ABCG5: variants seen among roughly 807,000 people sequenced by gnomAD.
ABCG5 encodes ATP binding cassette subfamily G member 5.
Under a neutral mutation model 64.5 loss-of-function variants are expected in ABCG5, and 64 were observed. That is an observed-to-expected ratio of 0.99 (90% CI 0.81 to 1.22). The LOEUF is 1.22. ABCG5 is among the 50% of genes most tolerant of loss of function. The pLI, the probability that ABCG5 is intolerant of heterozygous loss-of-function variation, is 0.00. For synonymous variants in ABCG5, 385 were observed against 326.3 expected (o/e 1.18, Z -1.94); for missense variants, 908 against 829.5 (o/e 1.09, Z -1.16).
chr2:43,831,816 C>T lies in ABCG5; in HGVS notation c.454G>A (p.Ala152Thr). ...TTGCCGCGGCGGATGGCCAGCAGCG[C>T]GGTGTAGTGCAGCGTCTCGCGCACG... ...LTVRETLHYT[A>T]LLAIRRGNPG... Residue 152 changes from alanine (A) to threonine (T), a missense_variant, in exon 4 of 13, where the codon GCG becomes ACG. Coordinates refer to ENST00000405322, the MANE Select transcript of ABCG5 (RefSeq NM_022436.3). The T allele has an allele frequency of 6.3e-7, 1 of 1,583,246 alleles. No individual in the cohort carries two copies. Among genetic ancestry groups the T allele is most frequent in the South Asian group, 1.2e-5 (1 of 86,282 alleles).
intron 12 of ABCG5, among the ~76,000 whole-genome samples, chr2:43,813,738 G>A (rs71420070): frequency 5.6e-4 from 24 of 42,860 alleles, no homozygotes; most frequent in African/African-American, 2.2e-3. Context: ...TTTTTTTTGA[G>A]ACACAGTTTC....
At chr2:43,832,347 C>T (rs1668001649) in intron 2 of ABCG5, 6 of 583,024 alleles carry the variant, frequency 1.0e-5, no homozygotes, top group South Asian at 8.7e-5. Flanking sequence ...TGGGTCAAGA[C>T]CGAACGTGCT....
chr2:43,831,933 G>A lies in ABCG5; in HGVS notation c.402+14C>T, dbSNP rs749773347. ...GGCGGGCGGGGGGGCCAGGGGTGTG[G>A]GGGACGCGCCCACCTGCAGGACGTA... On this transcript the variant is annotated intron_variant, in intron 3 of 12. Coordinates refer to ENST00000405322, the MANE Select transcript of ABCG5 (RefSeq NM_022436.3). The A allele has an allele frequency of 9.0e-6, 14 of 1,548,322 alleles. No homozygotes were observed. The South Asian group carries it at 1.7e-4, about 18-fold the overall frequency.
At chr2:43,828,901 G>T (rs1482161838) in intron 4 of ABCG5, among the ~76,000 whole-genome samples, 1 of 126,318 alleles carries the variant, frequency 7.9e-6, no homozygotes, top group Non-Finnish European at 1.7e-5. Context: ...GGAGGCCAAG[G>T]TTGCAGTGAG....
Position 43,831,982 on chromosome 2 carries a change from C to A in ABCG5, c.367G>T (p.Glu123Ter), listed in dbSNP as rs770488364. 1.0e-5 allele frequency: 16 copies of A among 1,553,046 alleles called. No homozygotes were observed. The highest frequency in any genetic ancestry group is 2.6e-6 in the Non-Finnish European group (3 of 1,148,296). Residue 123 changes from glutamate to a stop codon, truncating the protein, a stop_gained, in exon 3 of 13, where the codon GAG becomes TAG. Transcript: ENST00000405322. LOFTEE classifies it high-confidence loss of function. ...VYVNGRALRR[E>*]QFQDCFSYVL... ...TAGGAGAAGCAGTCCTGGAACTGCT[C>A]CCGGCGCAGCGCCCGGCCGTTCACA... is the stretch of plus-strand genomic sequence containing the variant.
Position 43,838,775 on chromosome 2 carries a change from C to G in ABCG5, c.-96G>C. On this transcript the variant is annotated 5_prime_UTR_variant, in exon 1 of 13. Transcript: ENST00000405322. This position sits in a 1 kb window ranked among gnomAD's most constrained non-coding sequence, Gnocchi z 4.2. ...AGCCCGTGGCAGACTGCCCTGCCTG[C>G]TCCACCTGACCCCGGAGTCCCTTGG... is the stretch of plus-strand genomic sequence containing the variant. 1 of 1,561,544 alleles carries G rather than the reference C, an allele frequency of 6.4e-7. No homozygotes were observed. Among genetic ancestry groups the G allele is most frequent in the Non-Finnish European group, 8.7e-7 (1 of 1,153,850 alleles).
intron 9 of ABCG5, among the ~76,000 whole-genome samples, chr2:43,823,185 A>G (rs1436148769): frequency 1.3e-5 from 2 of 152,130 alleles, no homozygotes; most frequent in Non-Finnish European, 2.9e-5. Flanking sequence ...TAAAGTGGGG[A>G]GTTGTCACCA....
At chr2:43,829,395 C>G (rs1297986335) in intron 4 of ABCG5, among the ~76,000 whole-genome samples, 1 of 152,084 alleles carries the variant, frequency 6.6e-6, no homozygotes, top group Non-Finnish European at 1.5e-5. Flanking sequence ...TAATGGGGAC[C>G]CAATTTATAA....
chr2:43,831,963 A>G lies in ABCG5; in HGVS notation c.386T>C (p.Phe129Ser), dbSNP rs901129455. ...ALRREQFQDC[F>S]SYVLQSDTLL... Reference sequence around the variant, plus strand: ...CGCGCCCACCTGCAGGACGTAGGAGAAGCAGTCCTGGAACTGCTCCCGGCG... The same window carrying G: ...CGCGCCCACCTGCAGGACGTAGGAGGAGCAGTCCTGGAACTGCTCCCGGCG... The change falls in exon 3 of 13, where the codon TTC becomes TCC. Residue 129 changes from phenylalanine to serine, a missense_variant. Phe to Ser is a radical substitution (Grantham distance 155). Coordinates refer to ENST00000405322, the MANE Select transcript of ABCG5 (RefSeq NM_022436.3). 1.3e-6 allele frequency: 2 copies of G among 1,550,530 alleles called. No homozygotes were observed. Among genetic ancestry groups the G allele is most frequent in the Middle Eastern group, 1.7e-4 (1 of 5,834 alleles).
At chr2:43,823,234 G>A (rs1328974884) in intron 9 of ABCG5, among the ~76,000 whole-genome samples, 1 of 152,110 alleles carries the variant, frequency 6.6e-6, no homozygotes, top group Non-Finnish European at 1.5e-5. Context: ...ATGAATAAGT[G>A]ATTTGAAGCA....
chr2:43,807,743 C>CAAAAAAAA (rs536977133), downstream of ABCG5, among the ~76,000 whole-genome samples: 3 of 41,614 alleles, frequency 7.2e-5, no homozygotes, highest in Non-Finnish European at 9.4e-5. Flanking sequence ...TTTGTTAAAG[C>CAAAAAAAA]AAAAAAAAAA....
At chr2:43,809,650 C>G (rs878904291), downstream of ABCG5, 23 of 1,296,848 alleles carry the variant, frequency 1.8e-5, 1 homozygote, top group South Asian at 2.9e-4. Flanking sequence ...TTTAAGGTGC[C>G]TCCTTGAATT....
intron 7 of ABCG5, 61 bp from the exon 8 acceptor site, chr2:43,824,493 T>C (rs903868361): frequency 1.2e-6 from 2 of 1,601,410 alleles, no homozygotes; most frequent in Admixed American, 1.7e-5. Context: ...TGTACATGGA[T>C]ATACAATTGG....
intron 5 of ABCG5, 88 bp from the exon 6 acceptor site, chr2:43,826,609 G>A: frequency 6.3e-7 from 1 of 1,584,670 alleles, no homozygotes; most frequent in East Asian, 2.2e-5. Context: ...GTTCCTTATT[G>A]AGTTTGTACC....
chr2:43,829,081 C>T (rs567096972), intron 4 of ABCG5, among the ~76,000 whole-genome samples: 30 of 152,306 alleles, frequency 2.0e-4, no homozygotes, highest in African/African-American at 7.0e-4. Context: ...CTTCATTAAA[C>T]TCCTATTTGC....
intron 4 of ABCG5, among the ~76,000 whole-genome samples, chr2:43,829,259 C>A (rs945896028): frequency 6.6e-6 from 1 of 152,162 alleles, no homozygotes; most frequent in African/African-American, 2.4e-5. Context: ...CACTGTATAA[C>A]CCAAATAAGT....
chr2:43,827,929 C>T (rs952669048), intron 5 of ABCG5, 54 bp downstream of exon 5: 4 of 1,610,138 alleles, frequency 2.5e-6, no homozygotes, highest in Admixed American at 1.7e-5. Context: ...AGTATCTGCA[C>T]ACACACAGAA....
Position 43,838,749 on chromosome 2 carries a change from G to A in ABCG5, c.-70C>T. 1.3e-6 allele frequency: 2 copies of A among 1,584,824 alleles called. No individual in the cohort carries two copies. The highest frequency in any genetic ancestry group is 1.7e-6 in the Non-Finnish European group (2 of 1,166,512). ...CCTCCCCAGAGTGGCTTCAGTTGGGGAGCCCGTGGCAGACTGCCCTGCCTG... is the reference window on the plus strand; with the variant it reads ...CCTCCCCAGAGTGGCTTCAGTTGGGAAGCCCGTGGCAGACTGCCCTGCCTG... On this transcript the variant is annotated 5_prime_UTR_variant, in exon 1 of 13. Transcript: ENST00000405322. This position sits in a 1 kb window ranked among gnomAD's most constrained non-coding sequence, Gnocchi z 4.2.
At position 43,824,229 on chromosome 2, in the gene ABCG5, C is replaced by A. The variant is rs1420838825; in HGVS notation, c.1108G>T (p.Val370Phe). Reference protein sequence around the residue: ...DSPGVFSKLGVLLRRVTRNLV... With the variant: ...DSPGVFSKLGFLLRRVTRNLV... ...TTGTGAGCCTCTTACCTCAGGAGAA[C>A]ACCCAGTTTAGAGAAAACTCCAGGA... Residue 370 changes from valine (V) to phenylalanine (F), a missense_variant, in exon 8 of 13, where the codon GTT becomes TTT. By Grantham distance (50) the Val-to-Phe change is conservative. Coordinates refer to ENST00000405322, the MANE Select transcript of ABCG5 (RefSeq NM_022436.3). 1 of 1,614,208 alleles carries A rather than the reference C, an allele frequency of 6.2e-7. No homozygotes were observed. Among genetic ancestry groups the A allele is most frequent in the Non-Finnish European group, 8.5e-7 (1 of 1,180,036 alleles).
Sources: allele counts gnomAD v4.1 joint callset (sites outside exome capture counted in the v4.1 genomes callset), GRCh38; gene constraint gnomAD v4.1.1; non-coding constraint Gnocchi (gnomAD v3.1); transcripts MANE v1.5; gene names NCBI Gene and HGNC (gene_info 2026-07-23, HGNC 2026-07-21).